MLIP: variants seen among roughly 807,000 people sequenced by gnomAD.
MLIP encodes muscular LMNA interacting protein.
Under a neutral mutation model 84.8 loss-of-function variants are expected in MLIP, and 79 were observed. The ratio of observed to expected loss-of-function variants is 0.93; its 90% confidence interval spans 0.78 to 1.12. MLIP has a LOEUF of 1.12. Ranked by LOEUF, MLIP falls within the 50% of genes most tolerant of loss-of-function variation. The pLI is 0.00. For synonymous variants in MLIP, 504 were observed against 463.0 expected (o/e 1.09, Z -1.14); for missense variants, 1,257 against 1,160.6 (o/e 1.08, Z -1.21).
In MLIP at chr6:54,127,318, A is replaced by G. The variant is rs150801909; in HGVS notation, c.645+2453A>G. On this transcript the variant is annotated intron_variant, in intron 3 of 13. Coordinates refer to ENST00000502396, the MANE Select transcript of MLIP (RefSeq NM_001281747.2). ...ACTGGCTGAAAACTACATTAAATCA[A>G]GTTCTGGTCCCTTGTTAATTTCTGT... 2.3e-3 allele frequency among the ~76,000 whole-genome samples: 350 copies of G among 152,266 alleles called. 2 individuals carry two copies. Among genetic ancestry groups the G allele is most frequent in the African/African-American group, 7.7e-3 (320 of 41,562 alleles).
At chr6:54,157,381 G>C (rs1774141367) in intron 5 of MLIP, among the ~76,000 whole-genome samples, 1 of 152,070 alleles carries the variant, frequency 6.6e-6, no homozygotes, top group Non-Finnish European at 1.5e-5. Context: ...TGCAGATAAG[G>C]TCCTCTAGCC....
intron 1 of MLIP, among the ~76,000 whole-genome samples, chr6:54,083,890 G>A (rs1409335742): frequency 6.6e-6 from 1 of 152,060 alleles, no homozygotes; most frequent in Non-Finnish European, 1.5e-5. Flanking sequence ...TTGTTGGTAG[G>A]AATGAGTATC....
chr6:54,171,024 C>T (rs1463515626), intron 9 of MLIP, among the ~76,000 whole-genome samples: 3 of 151,448 alleles, frequency 2.0e-5, no homozygotes, highest in Non-Finnish European at 4.4e-5. Context: ...CTTCTTTTAT[C>T]TACTCTTGCC....
chr6:54,106,259 G>A (rs529302190), intron 1 of MLIP, among the ~76,000 whole-genome samples: 18 of 152,282 alleles, frequency 1.2e-4, no homozygotes, highest in Admixed American at 1.1e-3. Flanking sequence ...CTAGCCATCC[G>A]ATGTCCCTAA....
At chr6:54,201,628 T>C (rs2792643) in intron 10 of MLIP, among the ~76,000 whole-genome samples, 147,417 of 152,236 alleles carry the variant, frequency 0.97, 71,561 homozygotes, top group East Asian at 1. Context: ...GAAAGCCACC[T>C]CAGTTCATAA....
intron 5 of MLIP, among the ~76,000 whole-genome samples, chr6:54,154,300 CAAA>C (rs1388098034): frequency 1.3e-5 from 2 of 151,992 alleles, no homozygotes; most frequent in African/African-American, 2.4e-5. Flanking sequence ...CCAATCAAAA[CAAA>C]AATAGCAAAG....
intron 9 of MLIP, among the ~76,000 whole-genome samples, chr6:54,171,468 A>G (rs956075452): frequency 4.0e-5 from 6 of 151,746 alleles, no homozygotes; most frequent in African/African-American, 7.2e-5. Flanking sequence ...TTGGAAGACC[A>G]TAAAGGATCA....
intron 1 of MLIP, among the ~76,000 whole-genome samples, chr6:54,089,918 T>A (rs184087563): frequency 6.6e-6 from 1 of 150,628 alleles, no homozygotes; most frequent in African/African-American, 2.5e-5. Flanking sequence ...AGCTTTCTTA[T>A]AGCAGTAGGG....
In MLIP at chr6:54,234,817, G is replaced by T. The variant is rs146222996; in HGVS notation, c.2922+3900G>T. Among the ~76,000 whole-genome samples the T allele has an allele frequency of 1.3e-4, 20 of 152,192 alleles. No individual in the cohort carries two copies. The East Asian group carries it at 3.7e-3, about 28-fold the overall frequency. ...CTAACTTTCCGACTGCTCCTTCTTT[G>T]CTTTCTTTGTGGACACTTCTTGCTC... On this transcript the variant is annotated intron_variant, in intron 12 of 13. Coordinates refer to ENST00000502396, the MANE Select transcript of MLIP (RefSeq NM_001281747.2).
chr6:54,148,967 A>G (rs2145755), intron 4 of MLIP, 89 bp from the exon 5 acceptor site: 385,261 of 1,017,262 alleles, frequency 0.38, 78,277 homozygotes, highest in African/African-American at 0.69. Flanking sequence ...TTGATAACGT[A>G]TCATTTAACT....
At chr6:54,020,872 C>T (rs1763459861) in intron 1 of MLIP, among the ~76,000 whole-genome samples, 1 of 152,126 alleles carries the variant, frequency 6.6e-6, no homozygotes, top group Non-Finnish European at 1.5e-5. Context: ...AGAAGAGAGG[C>T]TGTTCTAGGG....
intron 12 of MLIP, among the ~76,000 whole-genome samples, chr6:54,246,644 T>TC (rs1249068103): frequency 6.6e-6 from 1 of 152,180 alleles, no homozygotes; most frequent in Non-Finnish European, 1.5e-5. Flanking sequence ...ATCACATTTT[T>TC]CATAACTTAT....
chr6:54,031,449 G>A (rs1764131354), intron 1 of MLIP: 2 of 152,306 alleles, frequency 1.3e-5, no homozygotes, highest in East Asian at 1.9e-4. Context: ...CACCTTGTAA[G>A]CCTGATACGT....
rs562191547 is a variant in MLIP, at chr6:54,124,622, C to G, written c.402C>G (p.Asp134Glu). 6.2e-7 allele frequency: 1 copy of G among 1,614,184 alleles called. No individual in the cohort carries two copies. Among genetic ancestry groups the G allele is most frequent in the African/African-American group, 1.3e-5 (1 of 75,040 alleles). Residue 134 changes from aspartate (D) to glutamate (E), a missense_variant, in exon 3 of 14, where the codon GAC becomes GAG. Coordinates refer to ENST00000502396, the MANE Select transcript of MLIP (RefSeq NM_001281747.2). The stretch of plus-strand genomic sequence containing the variant: ...AACTTCAAGGGATGCAGCAAAGTGA[C>G]CTCTTCAAAGCTGAATATGTCCTTA... Reference protein sequence around the residue: ...ANKLQGMQQSDLFKAEYVLIV... With the variant: ...ANKLQGMQQSELFKAEYVLIV...
At chr6:54,036,441 T>A (rs966276582) in intron 1 of MLIP, among the ~76,000 whole-genome samples, 4 of 151,904 alleles carry the variant, frequency 2.6e-5, no homozygotes, top group Admixed American at 2.6e-4. Flanking sequence ...ATTTGTAGAG[T>A]AGTCTAAGCT....
At chr6:54,187,371 A>G (rs1331483551) in intron 9 of MLIP, among the ~76,000 whole-genome samples, 1 of 152,216 alleles carries the variant, frequency 6.6e-6, no homozygotes, top group Non-Finnish European at 1.5e-5. Flanking sequence ...ATGACAGAGA[A>G]TCAGCAAATA....
intron 4 of MLIP, among the ~76,000 whole-genome samples, chr6:54,148,185 C>A (rs770140970): frequency 6.6e-6 from 1 of 152,134 alleles, no homozygotes; most frequent in Non-Finnish European, 1.5e-5. Context: ...GTACTGGCCA[C>A]TGGGGAAGCT....
intron 1 of MLIP, chr6:54,040,911 C>A (rs1388557644): frequency 6.6e-6 from 1 of 151,936 alleles, no homozygotes; most frequent in East Asian, 1.9e-4. Context: ...GTGGGGACTA[C>A]TAGAGGTGGG....
chr6:54,045,553 A>C (rs1210135230), intron 1 of MLIP: 1 of 152,000 alleles, frequency 6.6e-6, no homozygotes, highest in Non-Finnish European at 1.5e-5. Flanking sequence ...TATGGTTTGG[A>C]TTTGTGTCTC....
Sources: gnomAD v4.1 joint callset for allele counts (sites outside exome capture counted in the v4.1 genomes callset) on GRCh38, gnomAD v4.1.1 for gene constraint, MANE v1.5 for transcripts, NCBI Gene and HGNC (gene_info 2026-07-23, HGNC 2026-07-21) for gene names.